ZSCAN5A: variants seen among roughly 807,000 people sequenced by gnomAD.
ZSCAN5A encodes zinc finger and SCAN domain-containing protein 5A.
A neutral mutation model predicts 23.7 loss-of-function variants in ZSCAN5A; 12 were observed. The observed-to-expected ratio is 0.51, with a 90% confidence interval of 0.32 to 0.82. The LOEUF is 0.82. Among genes scored for constraint, ZSCAN5A ranks in the 40% least tolerant of loss-of-function variants. ZSCAN5A has a pLI of 0.03. For synonymous variants in ZSCAN5A, 257 were observed against 239.9 expected (o/e 1.07, Z -0.66); for missense variants, 597 against 617.9 (o/e 0.97, Z 0.36).
chr19:56,283,393 T>C (rs958913575), intron 2 of ZSCAN5A: 2 of 152,128 alleles, frequency 1.3e-5, no homozygotes, highest in African/African-American at 4.8e-5. Flanking sequence ...CAGGAAACAA[T>C]ATCTCCATTT....
intron 2 of ZSCAN5A, among the ~76,000 whole-genome samples, chr19:56,240,506 C>T (rs1021207370): frequency 2.0e-5 from 3 of 151,990 alleles, no homozygotes; most frequent in Non-Finnish European, 4.4e-5. Context: ...ATCCCAGATG[C>T]GAGAAAGTTG....
chr19:56,328,767 C>T (rs773842201), intron 2 of ZSCAN5A, among the ~76,000 whole-genome samples: 1 of 150,966 alleles, frequency 6.6e-6, no homozygotes. Flanking sequence ...TTTGGGAGGC[C>T]GAGGCAGGTG....
At chr19:56,320,866 A>G (rs898950855) in intron 2 of ZSCAN5A, 16 of 771,208 alleles carry the variant, frequency 2.1e-5, no homozygotes, top group East Asian at 1.5e-4. Context: ...AATCCTGGAC[A>G]AGCTTCATGT....
chr19:56,325,644 A>C (rs1182901999), intron 2 of ZSCAN5A, among the ~76,000 whole-genome samples: 2 of 152,014 alleles, frequency 1.3e-5, no homozygotes, highest in African/African-American at 4.8e-5. Flanking sequence ...TCATCACCAG[A>C]AGTAGACACT....
intron 2 of ZSCAN5A, chr19:56,321,082 G>T: frequency 1.4e-6 from 1 of 698,248 alleles, no homozygotes; most frequent in Admixed American, 1.8e-5. Context: ...CTGAGTATCT[G>T]CAGATTTGGG....
intron 2 of ZSCAN5A, chr19:56,297,437 C>A (rs1269147396): frequency 8.3e-6 from 5 of 600,786 alleles, no homozygotes; most frequent in Non-Finnish European, 1.0e-5. Flanking sequence ...CTCTCTCCCT[C>A]CCTTTCTTCC....
intron 2 of ZSCAN5A, chr19:56,225,374 T>C (rs546559947): frequency 3.9e-6 from 1 of 254,082 alleles, no homozygotes; most frequent in East Asian, 8.4e-5. Flanking sequence ...GAAATCACTG[T>C]GCAGAGGCTG....
chr19:56,352,940 A>G lies in ZSCAN5A; in HGVS notation c.-358+10295T>C, dbSNP rs2041677175. Among the ~76,000 whole-genome samples, 1 of 152,228 alleles carries G rather than the reference A, an allele frequency of 6.6e-6. No homozygotes were observed. The highest frequency in any genetic ancestry group is 2.4e-5 in the African/African-American group (1 of 41,460). ...TTACACTACAGACATTGTGGGCCAC[A>G]TAATACATTTTCAGGGGGAAGAGGG... On this transcript the variant is annotated intron_variant, in intron 2 of 6. Transcript: ENST00000587340. The surrounding 1 kb of genome is among the most constrained non-coding windows in gnomAD (Gnocchi z 4.2).
chr19:56,306,186 C>T (rs918888746), intron 2 of ZSCAN5A, among the ~76,000 whole-genome samples: 8 of 152,192 alleles, frequency 5.3e-5, no homozygotes, highest in Middle Eastern at 3.2e-3. Flanking sequence ...CACGAGATGA[C>T]GGTAGCCTGG....
intron 2 of ZSCAN5A, chr19:56,342,296 T>C (rs1406065725): frequency 1.8e-5 from 2 of 111,632 alleles, no homozygotes; most frequent in African/African-American, 7.3e-5. Context: ...TTATTTCTCT[T>C]TAAGCTGTCT....
intron 2 of ZSCAN5A, chr19:56,282,477 T>C (rs2038787441): frequency 2.0e-6 from 2 of 985,406 alleles, no homozygotes; most frequent in Non-Finnish European, 2.4e-6. Flanking sequence ...TTCCTGCTGC[T>C]TGTCTGCCAA....
chr19:56,225,287 T>A, intron 2 of ZSCAN5A, 114 bp from the exon 3 acceptor site: 1 of 1,037,020 alleles, frequency 9.6e-7, no homozygotes, highest in Non-Finnish European at 1.3e-6. Flanking sequence ...TTCAGCACAG[T>A]GGAAATCTTC....
intron 2 of ZSCAN5A, among the ~76,000 whole-genome samples, chr19:56,228,668 T>C (rs1379657532): frequency 6.6e-6 from 1 of 152,102 alleles, no homozygotes; most frequent in African/African-American, 2.4e-5. Flanking sequence ...TTGATCTAGT[T>C]TGAGCAAAGC....
chr19:56,357,221 G>C (rs967785540), intron 2 of ZSCAN5A, among the ~76,000 whole-genome samples: 1 of 148,250 alleles, frequency 6.7e-6, no homozygotes, highest in Non-Finnish European at 1.5e-5. Context: ...ACTGCTGTGT[G>C]TTAACAAGTT....
At chr19:56,223,564 C>G (rs745566702) in intron 4 of ZSCAN5A, 67 bp downstream of exon 4, 145 of 1,530,152 alleles carry the variant, frequency 9.5e-5, no homozygotes, top group Non-Finnish European at 1.2e-4. Context: ...ATCAGTCCAG[C>G]GGCCACACGA....
At position 56,264,080 on chromosome 19, in the gene ZSCAN5A, G is replaced by A. The variant is rs546136747; in HGVS notation, c.-127-38907C>T. Among the ~76,000 whole-genome samples the A allele has an allele frequency of 1.3e-4, 20 of 151,024 alleles. No homozygotes were observed. The South Asian group carries it at 3.3e-3, about 25-fold the overall frequency. On this transcript the variant is annotated intron_variant, in intron 2 of 5. Coordinates refer to ENST00000683990, the MANE Select transcript of ZSCAN5A (RefSeq NM_001322064.3). ...ACTATCTTGGCTCACTGCAACCTCC[G>A]CCTCCCAGGTTCAAGCAACTCTCCT... is the stretch of plus-strand genomic sequence containing the variant.
intron 2 of ZSCAN5A, among the ~76,000 whole-genome samples, chr19:56,303,649 AGAG>A (rs1019502886): frequency 1.3e-5 from 2 of 152,138 alleles, no homozygotes; most frequent in South Asian, 2.1e-4. Context: ...CTGGGGACTC[AGAG>A]AAGAACGGAA....
At chr19:56,289,623 G>A (rs1367827781) in intron 2 of ZSCAN5A, among the ~76,000 whole-genome samples, 4 of 152,020 alleles carry the variant, frequency 2.6e-5, no homozygotes, top group African/African-American at 9.7e-5. Context: ...TTTGTTTTTG[G>A]GTTTTTTTGA....
Position 56,225,041 on chromosome 19 carries a change from A to C in ZSCAN5A, c.6T>G (p.Ala2=), listed in dbSNP as rs200884320. The C allele has an allele frequency of 3.0e-4, 474 of 1,588,616 alleles. 3 individuals are homozygous for C. The highest frequency in any genetic ancestry group is 2.0e-3 in the South Asian group (179 of 87,852). The change falls in exon 3 of 6, where the codon GCT becomes GCG. Residue 2 remains alanine (A), a synonymous_variant. Coordinates refer to ENST00000683990, the MANE Select transcript of ZSCAN5A (RefSeq NM_001322064.3). ...GACTCCATGAGGATGTGCAATTTGC[A>C]GCCATATCTAGTGGAGAATTTTTTA... M[A]ANCTSSWSLG...
Sources: allele counts gnomAD v4.1 joint callset (sites outside exome capture counted in the v4.1 genomes callset), GRCh38; gene constraint gnomAD v4.1.1; non-coding constraint Gnocchi (gnomAD v3.1); transcripts MANE v1.5; gene names NCBI Gene and HGNC (gene_info 2026-07-23, HGNC 2026-07-21).